The following PTPRD variants were observed in gnomAD, a reference collection of about 807,000 sequenced individuals.
PTPRD encodes the protein protein tyrosine phosphatase receptor type D.
In PTPRD, 34 loss-of-function variants were observed where a neutral mutation model predicts 214.5. The observed-to-expected ratio is 0.16, with a 90% CI of 0.12 to 0.21. The LOEUF is 0.21. Ranked by LOEUF, PTPRD falls within the 10% of genes least tolerant of loss-of-function variation. The pLI is 1.00. For missense variants in PTPRD, 2,545 were observed against 2,398.7 expected, an observed-to-expected ratio of 1.06 and a Z score of -1.27; for synonymous variants, 1,128 against 845.7, an observed-to-expected ratio of 1.33 and a Z score of -5.79.
intron 2 of PTPRD, among the ~76,000 whole-genome samples, chr9:10,503,976 C>T (rs2044850448): frequency 6.6e-6 from 1 of 150,742 alleles, no homozygotes; most frequent in African/African-American, 2.4e-5. Context: ...ATTAGCCGGG[C>T]GTGGTGGCGG....
intron 7 of PTPRD, among the ~76,000 whole-genome samples, chr9:9,671,938 C>T (rs2096840051): frequency 6.6e-6 from 1 of 152,106 alleles, no homozygotes; most frequent in South Asian, 2.1e-4. Context: ...CCAAAGAAGA[C>T]TATCATTAGG....
chr9:9,999,392 C>G, intron 4 of PTPRD, among the ~76,000 whole-genome samples: 1 of 152,176 alleles, frequency 6.6e-6, no homozygotes, highest in East Asian at 1.9e-4. Context: ...TACTCAGTCC[C>G]ACTGCTACCT....
chr9:10,113,418 A>G (rs912898937), intron 3 of PTPRD, among the ~76,000 whole-genome samples: 1 of 152,178 alleles, frequency 6.6e-6, no homozygotes, highest in Non-Finnish European at 1.5e-5. Flanking sequence ...ACAGATACAG[A>G]TGAGTTGTTA....
intron 5 of PTPRD, among the ~76,000 whole-genome samples, chr9:9,920,686 A>T (rs1457280883): frequency 6.6e-6 from 1 of 152,140 alleles, no homozygotes; most frequent in Non-Finnish European, 1.5e-5. Flanking sequence ...TCAGTTGAAT[A>T]AGAAGGAGTT....
intron 3 of PTPRD, among the ~76,000 whole-genome samples, chr9:10,219,332 G>T (rs1229255823): frequency 6.6e-6 from 1 of 151,842 alleles, no homozygotes; most frequent in Non-Finnish European, 1.5e-5. Flanking sequence ...ATTCTTATAA[G>T]TAAATACTGC....
chr9:8,839,622 G>A (rs575992765), intron 11 of PTPRD, among the ~76,000 whole-genome samples: 6 of 152,252 alleles, frequency 3.9e-5, no homozygotes, highest in African/African-American at 1.4e-4. Flanking sequence ...ACCACGCCCG[G>A]CTGAAACTAG....
chr9:10,020,081 A>G, intron 4 of PTPRD, among the ~76,000 whole-genome samples: 1 of 152,186 alleles, frequency 6.6e-6, no homozygotes, highest in East Asian at 1.9e-4. Flanking sequence ...GGAAGTTATT[A>G]ATAACCTTAC....
intron 14 of PTPRD, among the ~76,000 whole-genome samples, chr9:8,532,603 T>C (rs771023643): frequency 9.2e-5 from 14 of 152,104 alleles, no homozygotes; most frequent in Non-Finnish European, 2.9e-5. Flanking sequence ...ATTAATGTGC[T>C]CATTAAGCTT....
intron 11 of PTPRD, among the ~76,000 whole-genome samples, chr9:8,813,511 C>A (rs1314062257): frequency 1.3e-5 from 2 of 152,172 alleles, no homozygotes; most frequent in Non-Finnish European, 2.9e-5. Flanking sequence ...CTTGTGACTA[C>A]AAGGCACGTG....
At chr9:9,580,663 C>T (rs565538887) in intron 7 of PTPRD, among the ~76,000 whole-genome samples, 1 of 151,262 alleles carries the variant, frequency 6.6e-6, no homozygotes, top group Non-Finnish European at 1.5e-5. Context: ...ATTCTCCTGC[C>T]TCAGCCTCCT....
intron 3 of PTPRD, among the ~76,000 whole-genome samples, chr9:10,198,819 A>G (rs897223999): frequency 1.3e-5 from 2 of 152,082 alleles, no homozygotes; most frequent in Non-Finnish European, 2.9e-5. Context: ...TGGCTTAAAT[A>G]TTACCGTTGT....
intron 3 of PTPRD, among the ~76,000 whole-genome samples, chr9:10,296,074 C>T (rs937562433): frequency 1.6e-4 from 24 of 151,972 alleles, no homozygotes; most frequent in Non-Finnish European, 3.4e-4. Flanking sequence ...TAAACATGAA[C>T]CACAGATGGG....
intron 2 of PTPRD, among the ~76,000 whole-genome samples, chr9:10,554,336 G>C (rs2061996122): frequency 6.6e-6 from 1 of 152,110 alleles, no homozygotes; most frequent in Non-Finnish European, 1.5e-5. Context: ...AATAGAAGCA[G>C]CAAACTATAA....
intron 3 of PTPRD, among the ~76,000 whole-genome samples, chr9:10,237,302 C>A (rs17621850): frequency 6.6e-6 from 1 of 151,810 alleles, no homozygotes; most frequent in Admixed American, 6.6e-5. Flanking sequence ...GAACTCCAGA[C>A]TGCTGTTTAC....
chr9:10,180,259 C>G (rs1328877031), intron 3 of PTPRD, among the ~76,000 whole-genome samples: 1 of 151,900 alleles, frequency 6.6e-6, no homozygotes, highest in Admixed American at 6.6e-5. Context: ...ACCTAAAGCA[C>G]AAAGATGTTT....
intron 9 of PTPRD, among the ~76,000 whole-genome samples, chr9:9,376,412 T>A (rs903894028): frequency 1.3e-5 from 2 of 152,150 alleles, no homozygotes; most frequent in Non-Finnish European, 2.9e-5. Flanking sequence ...AGTCAAATTA[T>A]CCTTTAAATT....
At chr9:9,045,163 C>T (rs2154386432) in intron 10 of PTPRD, among the ~76,000 whole-genome samples, 1 of 152,198 alleles carries the variant, frequency 6.6e-6, no homozygotes, top group South Asian at 2.1e-4. Flanking sequence ...GATTTTAGAG[C>T]ACTTAGATGA....
chr9:8,987,686 G>T (rs2099351155), intron 11 of PTPRD, among the ~76,000 whole-genome samples: 1 of 151,988 alleles, frequency 6.6e-6, no homozygotes, highest in Admixed American at 6.6e-5. Flanking sequence ...CAATGAATGT[G>T]GAAGTCATTT....
chr9:8,598,555 A>G (rs1488666356), intron 14 of PTPRD, among the ~76,000 whole-genome samples: 1 of 152,248 alleles, frequency 6.6e-6, no homozygotes, highest in Non-Finnish European at 1.5e-5. Flanking sequence ...TAATCAGTCA[A>G]TATGAAAGCA....
Sources: allele counts gnomAD v4.1 joint callset (sites outside exome capture counted in the v4.1 genomes callset), GRCh38; gene constraint gnomAD v4.1.1; transcripts MANE v1.5; gene names NCBI Gene and HGNC (gene_info 2026-07-23, HGNC 2026-07-21).